The following GALNTL6 variants were observed in gnomAD, a reference collection of about 807,000 sequenced individuals.
The protein encoded by GALNTL6 is polypeptide N-acetylgalactosaminyltransferase like 6, also known as polypeptide N-acetylgalactosaminyltransferase-like 6.
In GALNTL6, 46 loss-of-function variants were observed where a neutral mutation model predicts 73.7. That is an observed-to-expected ratio of 0.62 (90% CI 0.49 to 0.80). The LOEUF (loss-of-function observed/expected upper bound fraction) is 0.80. GALNTL6 is among the 30% of genes least tolerant of loss of function. GALNTL6 has a pLI of 0.00. For missense variants in GALNTL6, 604 were observed against 755.0 expected, an observed-to-expected ratio of 0.80 and a Z score of 2.34; for synonymous variants, 259 against 263.7, an observed-to-expected ratio of 0.98 and a Z score of 0.17.
intron 2 of GALNTL6, among the ~76,000 whole-genome samples, chr4:171,957,369 T>C (rs10004984): frequency 0.018 from 2,809 of 152,304 alleles, 86 homozygotes; most frequent in African/African-American, 0.065. Context: ...AGTTTTATAG[T>C]CCACACTGGG....
At chr4:172,712,670 C>A (rs1734783259) in intron 5 of GALNTL6, among the ~76,000 whole-genome samples, 1 of 152,072 alleles carries the variant, frequency 6.6e-6, no homozygotes, top group African/African-American at 2.4e-5. Flanking sequence ...TCTCACAGAA[C>A]CTCTGTGTCT....
chr4:172,709,153 CCTT>C (rs1734542746), intron 5 of GALNTL6, among the ~76,000 whole-genome samples: 1 of 152,182 alleles, frequency 6.6e-6, no homozygotes, highest in African/African-American at 2.4e-5. Flanking sequence ...GGTTTTCTCT[CCTT>C]CTGGCCTTCT....
chr4:172,420,489 T>A (rs1254147818), intron 5 of GALNTL6, among the ~76,000 whole-genome samples: 1 of 152,140 alleles, frequency 6.6e-6, no homozygotes, highest in Non-Finnish European at 1.5e-5. Flanking sequence ...TGAATGTAAC[T>A]ACATATGGAG....
chr4:171,963,585 T>A (rs1236890298), intron 2 of GALNTL6, among the ~76,000 whole-genome samples: 1 of 152,196 alleles, frequency 6.6e-6, no homozygotes, highest in African/African-American at 2.4e-5. Context: ...AACTAATTAT[T>A]TAGTTCTCTA....
chr4:172,678,372 T>C (rs566483673), intron 5 of GALNTL6, among the ~76,000 whole-genome samples: 1 of 148,354 alleles, frequency 6.7e-6, no homozygotes, highest in East Asian at 2.0e-4. Context: ...TGAGACAGAG[T>C]TTCACTCTTG....
chr4:172,540,283 G>A (rs6818039), intron 5 of GALNTL6, among the ~76,000 whole-genome samples: 9,735 of 151,624 alleles, frequency 0.064, 958 homozygotes, highest in African/African-American at 0.21. Flanking sequence ...CTCATTATCC[G>A]CCCACCTGGG....
intron 2 of GALNTL6, among the ~76,000 whole-genome samples, chr4:171,884,272 C>T (rs1310232320): frequency 6.6e-6 from 1 of 152,106 alleles, no homozygotes; most frequent in Non-Finnish European, 1.5e-5. Context: ...TGAAAGATCT[C>T]ATGCTTAGAC....
intron 3 of GALNTL6, among the ~76,000 whole-genome samples, chr4:172,251,335 T>C (rs866847166): frequency 1.3e-5 from 2 of 152,140 alleles, no homozygotes; most frequent in African/African-American, 4.8e-5. Flanking sequence ...TCCACCAATT[T>C]AAATGTCAAT....
At chr4:172,162,418 G>A (rs1252953319) in intron 2 of GALNTL6, among the ~76,000 whole-genome samples, 1 of 151,926 alleles carries the variant, frequency 6.6e-6, no homozygotes, top group East Asian at 1.9e-4. Flanking sequence ...GGATATTACA[G>A]TATCATTGCT....
At chr4:172,259,455 G>GTT (rs1164482665) in intron 3 of GALNTL6, among the ~76,000 whole-genome samples, 1 of 137,664 alleles carries the variant, frequency 7.3e-6, no homozygotes, top group African/African-American at 2.6e-5. Flanking sequence ...GGGATTATTT[G>GTT]TTTTTTTTTT....
intron 2 of GALNTL6, among the ~76,000 whole-genome samples, chr4:171,907,505 A>T (rs1737328252): frequency 6.6e-6 from 1 of 151,872 alleles, no homozygotes; most frequent in Admixed American, 6.6e-5. Flanking sequence ...GGATACAAAC[A>T]AATGGAAGAA....
At chr4:172,220,116 A>G (rs947574130) in intron 2 of GALNTL6, among the ~76,000 whole-genome samples, 6 of 151,792 alleles carry the variant, frequency 4.0e-5, no homozygotes, top group African/African-American at 1.4e-4. Context: ...TGATTAAATA[A>G]CATAAGAAGA....
At chr4:171,831,779 G>A (rs1312541953) in intron 2 of GALNTL6, among the ~76,000 whole-genome samples, 1 of 151,648 alleles carries the variant, frequency 6.6e-6, no homozygotes, top group Non-Finnish European at 1.5e-5. Flanking sequence ...ACATGTCATT[G>A]CACATTGTTT....
At chr4:172,306,533 G>C (rs1016441694) in intron 3 of GALNTL6, among the ~76,000 whole-genome samples, 1 of 152,092 alleles carries the variant, frequency 6.6e-6, no homozygotes, top group Non-Finnish European at 1.5e-5. Flanking sequence ...AAATTTTTTA[G>C]TGGTGACTTC....
intron 2 of GALNTL6, among the ~76,000 whole-genome samples, chr4:172,048,138 A>T (rs561152254): frequency 3.9e-5 from 6 of 152,280 alleles, no homozygotes; most frequent in African/African-American, 1.4e-4. Flanking sequence ...AGAACCAGCA[A>T]GTTTCAAAGT....
At chr4:171,907,977 C>T (rs1270189607) in intron 2 of GALNTL6, among the ~76,000 whole-genome samples, 1 of 151,866 alleles carries the variant, frequency 6.6e-6, no homozygotes, top group African/African-American at 2.4e-5. Flanking sequence ...TTCCTTACAC[C>T]TTATACAAAA....
At chr4:172,494,932 C>A (rs1161973655) in intron 5 of GALNTL6, among the ~76,000 whole-genome samples, 2 of 152,138 alleles carry the variant, frequency 1.3e-5, no homozygotes, top group African/African-American at 4.8e-5. Flanking sequence ...ACAGACACAC[C>A]CAGGAACAAT....
intron 2 of GALNTL6, among the ~76,000 whole-genome samples, chr4:172,223,800 A>G (rs1484016716): frequency 6.6e-6 from 1 of 152,130 alleles, no homozygotes; most frequent in East Asian, 1.9e-4. Flanking sequence ...CTAGTTTATC[A>G]CCTGGTTCTT....
intron 5 of GALNTL6, among the ~76,000 whole-genome samples, chr4:172,513,736 G>A (rs2110796543): frequency 6.6e-6 from 1 of 152,300 alleles, no homozygotes; most frequent in East Asian, 1.9e-4. Context: ...ACTAGGGAGT[G>A]TCTACAAAGA....
Sources: gnomAD v4.1 joint callset for allele counts (sites outside exome capture counted in the v4.1 genomes callset) on GRCh38, gnomAD v4.1.1 for gene constraint, MANE v1.5 for transcripts, NCBI Gene and HGNC (gene_info 2026-07-23, HGNC 2026-07-21) for gene names.